Variants in SLC25A26 observed in about 807,000 individuals in gnomAD.
SLC25A26 encodes mitochondrial S-adenosylmethionine carrier protein.
In SLC25A26, 36 loss-of-function variants were observed where a neutral mutation model predicts 37.8. The observed-to-expected ratio is 0.95, with a 90% CI of 0.73 to 1.26. The LOEUF is 1.26. SLC25A26 is among the 50% of genes most tolerant of loss of function. The pLI is 0.00. For synonymous variants in SLC25A26, 129 were observed against 122.5 expected (o/e 1.05, Z -0.35); for missense variants, 390 against 331.1 (o/e 1.18, Z -1.38).
chr3:66,184,290 C>G (rs993160830), intron 1 of SLC25A26, among the ~76,000 whole-genome samples: 7 of 152,106 alleles, frequency 4.6e-5, no homozygotes, highest in African/African-American at 1.7e-4. Flanking sequence ...CCACCCTCAT[C>G]ATGACCCTGA....
intron 5 of SLC25A26, among the ~76,000 whole-genome samples, chr3:66,336,073 A>G (rs928412320): frequency 4.6e-5 from 7 of 152,192 alleles, no homozygotes; most frequent in Admixed American, 2.6e-4. Context: ...ATGTATCTAT[A>G]CAAATGATTT....
chr3:66,296,138 T>G (rs964251937), intron 5 of SLC25A26, among the ~76,000 whole-genome samples: 6 of 152,132 alleles, frequency 3.9e-5, no homozygotes, highest in Admixed American at 2.6e-4. Flanking sequence ...AAAAAATTTC[T>G]TAAAGAATTG....
intron 5 of SLC25A26, among the ~76,000 whole-genome samples, chr3:66,266,949 G>A (rs2073777206): frequency 6.6e-6 from 1 of 152,152 alleles, no homozygotes; most frequent in Non-Finnish European, 1.5e-5. Context: ...AAAGCAGATT[G>A]TTTCAAAAGA....
At chr3:66,244,564 T>G (rs746267743) in intron 3 of SLC25A26, among the ~76,000 whole-genome samples, 2 of 152,226 alleles carry the variant, frequency 1.3e-5, no homozygotes, top group Non-Finnish European at 2.9e-5. Flanking sequence ...AGGGCCAGTT[T>G]TAGTGAATAC....
chr3:66,241,042 T>C (rs1302453824), intron 2 of SLC25A26, among the ~76,000 whole-genome samples: 1 of 152,192 alleles, frequency 6.6e-6, no homozygotes, highest in Admixed American at 6.5e-5. Context: ...CCACCGTACC[T>C]GGCCACCTTT....
At chr3:66,374,064 AG>A (rs1455669277) in intron 9 of SLC25A26, among the ~76,000 whole-genome samples, 1 of 151,196 alleles carries the variant, frequency 6.6e-6, no homozygotes, top group East Asian at 1.9e-4. Context: ...GACCATTTTC[AG>A]TTTTCTTCCA....
At chr3:66,273,693 G>C (rs968439303) in intron 5 of SLC25A26, among the ~76,000 whole-genome samples, 3 of 152,052 alleles carry the variant, frequency 2.0e-5, no homozygotes, top group Admixed American at 6.6e-5. Context: ...AGCTTACAAG[G>C]GACGTGAAGG....
chr3:66,275,714 A>C (rs1408257477), intron 5 of SLC25A26, among the ~76,000 whole-genome samples: 2 of 151,980 alleles, frequency 1.3e-5, no homozygotes, highest in Non-Finnish European at 2.9e-5. Flanking sequence ...ATTGAGATTA[A>C]TTTTCTTATC....
At chr3:66,159,422 G>A (rs1486426747) in intron 1 of SLC25A26, among the ~76,000 whole-genome samples, 1 of 152,184 alleles carries the variant, frequency 6.6e-6, no homozygotes, top group African/African-American at 2.4e-5. Flanking sequence ...TAGATTTTGT[G>A]CCATGTAAAT....
intron 1 of SLC25A26, among the ~76,000 whole-genome samples, chr3:66,214,955 C>A (rs2071338851): frequency 6.6e-6 from 1 of 152,088 alleles, no homozygotes; most frequent in Non-Finnish European, 1.5e-5. Flanking sequence ...TGCTGAAATT[C>A]CATCTCTACT....
chr3:66,296,410 A>G (rs782746), intron 5 of SLC25A26, among the ~76,000 whole-genome samples: 95,363 of 152,088 alleles, frequency 0.63, 30,144 homozygotes, highest in East Asian at 0.76. Flanking sequence ...TTCCTGATAT[A>G]CATGCATTTG....
intron 7 of SLC25A26, among the ~76,000 whole-genome samples, chr3:66,364,917 A>C (rs955273521): frequency 2.6e-5 from 4 of 152,232 alleles, no homozygotes; most frequent in Non-Finnish European, 4.4e-5. Flanking sequence ...TGTTGTCAGT[A>C]GAACCACATA....
chr3:66,355,716 G>GT (rs1336437799), intron 6 of SLC25A26, among the ~76,000 whole-genome samples: 1 of 152,166 alleles, frequency 6.6e-6, no homozygotes, highest in East Asian at 1.9e-4. Context: ...CTGTTGCTTT[G>GT]TTTTTAAAAA....
chr3:66,246,640 G>A (rs992182031), intron 3 of SLC25A26, among the ~76,000 whole-genome samples: 9 of 152,146 alleles, frequency 5.9e-5, no homozygotes, highest in Admixed American at 5.2e-4. Context: ...CCATGAGACT[G>A]GAGATACAAC....
chr3:66,311,209 A>G (rs1320478256), intron 5 of SLC25A26, among the ~76,000 whole-genome samples: 1 of 151,102 alleles, frequency 6.6e-6, no homozygotes, highest in Non-Finnish European at 1.5e-5. Flanking sequence ...ATTTTTTCTC[A>G]TCTTGTCGTC....
At chr3:66,207,278 C>T (rs2071193829) in intron 1 of SLC25A26, among the ~76,000 whole-genome samples, 1 of 152,012 alleles carries the variant, frequency 6.6e-6, no homozygotes, top group Non-Finnish European at 1.5e-5. Context: ...CTCAGTTATC[C>T]CCCCCATCCT....
Position 66,209,898 on chromosome 3 carries a change from T to TTTTATATA in SLC25A26, c.-353-10843_-353-10842insTTATATAT, listed in dbSNP as rs1553656263. On this transcript the variant is annotated intron_variant, in intron 1 of 10. Coordinates refer to the SLC25A26 transcript ENST00000676754. Reference sequence around the variant, plus strand: ...TATACTCCTCTCTCTCTCTCTCTATTTATATATATATATATATATATATAT... The same window carrying TTTTATATA: ...TATACTCCTCTCTCTCTCTCTCTATTTTTATATATATATATATATATATATATATATAT... Among the ~76,000 whole-genome samples, 55 of 38,612 alleles carry TTTTATATA rather than the reference T, an allele frequency of 1.4e-3. 2 individuals are homozygous for TTTTATATA. The highest frequency in any genetic ancestry group is 6.0e-3 in the South Asian group (5 of 830). 25.3% of individuals were successfully genotyped at this position (38,612 alleles called of 152,430 possible).
chr3:66,184,187 T>C (rs2070770341), intron 1 of SLC25A26, among the ~76,000 whole-genome samples: 1 of 152,034 alleles, frequency 6.6e-6, no homozygotes. Context: ...TTCTGACCCT[T>C]ACCCTCACTC....
At chr3:66,238,895 C>T (rs1204235703) in intron 2 of SLC25A26, among the ~76,000 whole-genome samples, 2 of 151,976 alleles carry the variant, frequency 1.3e-5, no homozygotes, top group Non-Finnish European at 2.9e-5. Context: ...AGCAGGCTCA[C>T]ATAGTGTAAC....
Sources: gnomAD v4.1 joint callset for allele counts (sites outside exome capture counted in the v4.1 genomes callset) on GRCh38, gnomAD v4.1.1 for gene constraint, MANE v1.5 for transcripts, NCBI Gene and HGNC (gene_info 2026-07-23, HGNC 2026-07-21) for gene names.